TMEM132D: variants seen among roughly 807,000 people sequenced by gnomAD.
The protein encoded by TMEM132D is transmembrane protein 132D.
TMEM132D carries 21 observed loss-of-function variants against 62.3 expected under a neutral mutation model. The ratio of observed to expected loss-of-function variants is 0.34; its 90% CI spans 0.24 to 0.49. The LOEUF is 0.49. Ranked by LOEUF, TMEM132D falls within the 20% of genes least tolerant of loss-of-function variation. The pLI, the probability that TMEM132D is intolerant of heterozygous loss-of-function variation, is 0.99. For synonymous variants in TMEM132D, 621 were observed against 575.6 expected (o/e 1.08, Z -1.13); for missense variants, 1,346 against 1,402.8 (o/e 0.96, Z 0.65).
chr12:129,512,182 C>T (rs969473217), intron 3 of TMEM132D, among the ~76,000 whole-genome samples: 8 of 152,172 alleles, frequency 5.3e-5, no homozygotes, highest in African/African-American at 1.7e-4. Context: ...GCCTCTTACC[C>T]CACTACTTTC....
chr12:129,218,294 A>G (rs148626058), intron 4 of TMEM132D, among the ~76,000 whole-genome samples: 1 of 152,306 alleles, frequency 6.6e-6, no homozygotes, highest in Non-Finnish European at 1.5e-5. Flanking sequence ...GTCACTAAGG[A>G]TGGGGATACA....
At chr12:129,279,651 T>A (rs1267356724) in intron 4 of TMEM132D, among the ~76,000 whole-genome samples, 1 of 152,076 alleles carries the variant, frequency 6.6e-6, no homozygotes, top group Non-Finnish European at 1.5e-5. Context: ...AATACACCCA[T>A]TGGCAATCCC....
rs138374062 is a variant in TMEM132D at position 129,337,839 on chromosome 12, G to A, written c.1116-22C>T. ...CGCACTGGAGAGAAGACACAGAGGA[G>A]AACAGCTTTCAGGGACTGATGAGGT... On this transcript the variant is annotated intron_variant, in intron 3 of 8. Transcript: ENST00000422113. 1.2e-4 allele frequency: 188 copies of A among 1,581,416 alleles called. 1 individual carries two copies. The highest frequency in any genetic ancestry group is 8.5e-4 in the Middle Eastern group (5 of 5,874).
At chr12:129,654,633 C>T (rs1593106980) in intron 2 of TMEM132D, among the ~76,000 whole-genome samples, 2 of 152,132 alleles carry the variant, frequency 1.3e-5, no homozygotes, top group South Asian at 2.1e-4. Flanking sequence ...TGCTTTGTGA[C>T]GCTAGGTCAC....
rs192720664 is a variant in TMEM132D at position 129,159,484 on chromosome 12, C to T, written c.1443+50036G>A. Among the ~76,000 whole-genome samples the T allele has an allele frequency of 7.9e-5, 12 of 152,184 alleles. 1 individual carries two copies. The highest frequency in any genetic ancestry group is 3.4e-3 in the Middle Eastern group (1 of 294). On this transcript the variant is annotated intron_variant, in intron 5 of 8. Transcript: ENST00000422113. The stretch of plus-strand genomic sequence containing the variant: ...TAGAAAAGAGAAAACTGACCAGACA[C>T]GGGCACTCACACCTGTAATCTCAGC...
At chr12:129,618,080 C>A (rs1307737970) in intron 2 of TMEM132D, among the ~76,000 whole-genome samples, 2 of 152,142 alleles carry the variant, frequency 1.3e-5, no homozygotes, top group Non-Finnish European at 2.9e-5. Context: ...GGACCAGAGA[C>A]AACCTAGGGA....
intron 3 of TMEM132D, among the ~76,000 whole-genome samples, chr12:129,446,342 GC>G (rs1384496324): frequency 6.6e-6 from 1 of 152,074 alleles, no homozygotes; most frequent in Admixed American, 6.5e-5. Context: ...TTGATGTCAG[GC>G]TTTTTGCAAC....
chr12:129,572,692 G>A (rs1016147325), intron 2 of TMEM132D, among the ~76,000 whole-genome samples: 1 of 151,994 alleles, frequency 6.6e-6, no homozygotes, highest in Non-Finnish European at 1.5e-5. Context: ...CAGATGATCT[G>A]CCCGCCTCGG....
chr12:129,266,712 T>G (rs1257092382), intron 4 of TMEM132D, among the ~76,000 whole-genome samples: 1 of 151,572 alleles, frequency 6.6e-6, no homozygotes, highest in Non-Finnish European at 1.5e-5. Flanking sequence ...GTCTGTTATC[T>G]CCTATCTCAA....
At chr12:129,336,671 G>T (rs1047179390) in intron 4 of TMEM132D, among the ~76,000 whole-genome samples, 1 of 152,230 alleles carries the variant, frequency 6.6e-6, no homozygotes, top group African/African-American at 2.4e-5. Context: ...GAGGGCTCTT[G>T]TGGGACTGAG....
chr12:129,424,549 T>A (rs1872432860), intron 3 of TMEM132D, among the ~76,000 whole-genome samples: 1 of 151,464 alleles, frequency 6.6e-6, no homozygotes, highest in Non-Finnish European at 1.5e-5. Context: ...CTATTAAAAA[T>A]ACAAAAAAAT....
At chr12:129,600,201 G>C (rs1290298787) in intron 2 of TMEM132D, among the ~76,000 whole-genome samples, 2 of 152,218 alleles carry the variant, frequency 1.3e-5, no homozygotes, top group South Asian at 2.1e-4. Flanking sequence ...GTCCTCACCA[G>C]GAGTAGATTC....
chr12:129,272,029 C>A (rs1880866653), intron 4 of TMEM132D, among the ~76,000 whole-genome samples: 1 of 151,904 alleles, frequency 6.6e-6, no homozygotes, highest in African/African-American at 2.4e-5. Flanking sequence ...TCCCACCCAA[C>A]AGTGTAAAAG....
intron 4 of TMEM132D, among the ~76,000 whole-genome samples, chr12:129,288,065 G>C (rs893767889): frequency 8.5e-5 from 13 of 152,224 alleles, no homozygotes; most frequent in Non-Finnish European, 1.6e-4. Context: ...TTAAAACCTG[G>C]ATATCCACAT....
At chr12:129,610,761 G>A (rs558802439) in intron 2 of TMEM132D, among the ~76,000 whole-genome samples, 21 of 152,134 alleles carry the variant, frequency 1.4e-4, no homozygotes, top group African/African-American at 5.1e-4. Flanking sequence ...AACTTTAGAA[G>A]GCTGCTCTCT....
intron 3 of TMEM132D, among the ~76,000 whole-genome samples, chr12:129,473,265 G>A (rs1027908452): frequency 6.7e-6 from 1 of 150,056 alleles, no homozygotes; most frequent in African/African-American, 2.4e-5. Context: ...ATAGCAAAAC[G>A]ATTAGGACCC....
chr12:129,534,184 A>G (rs1401044859), intron 2 of TMEM132D, among the ~76,000 whole-genome samples: 1 of 152,184 alleles, frequency 6.6e-6, no homozygotes, highest in Non-Finnish European at 1.5e-5. Context: ...TTCAATAAAT[A>G]CAGGTTACAC....
chr12:129,165,321 A>T (rs1258999139), intron 5 of TMEM132D, among the ~76,000 whole-genome samples: 2 of 152,210 alleles, frequency 1.3e-5, no homozygotes, highest in Non-Finnish European at 2.9e-5. Flanking sequence ...AAAGCTCATC[A>T]CTGGGCACTC....
intron 1 of TMEM132D, among the ~76,000 whole-genome samples, chr12:129,804,571 C>A (rs1871909417): frequency 6.8e-6 from 1 of 147,468 alleles, no homozygotes; most frequent in Non-Finnish European, 1.5e-5. Context: ...ATGACAAACC[C>A]ACAGCCAATA....
Sources: gnomAD v4.1 joint callset for allele counts (sites outside exome capture counted in the v4.1 genomes callset) on GRCh38, gnomAD v4.1.1 for gene constraint, MANE v1.5 for transcripts, NCBI Gene and HGNC (gene_info 2026-07-23, HGNC 2026-07-21) for gene names.